Variants in RGL1 observed in about 807,000 individuals in gnomAD.
RGL1 encodes ral guanine nucleotide dissociation stimulator-like 1.
In RGL1, 24 loss-of-function variants were observed where a neutral mutation model predicts 95.2. The ratio of observed to expected loss-of-function variants is 0.25; its 90% CI spans 0.18 to 0.35. The LOEUF (loss-of-function observed/expected upper bound fraction) is 0.35. Among genes scored for constraint, RGL1 ranks in the 10% least tolerant of loss-of-function variants. The probability of loss-of-function intolerance (pLI) is 1.00; values close to 1 mark genes in which losing one functional copy is unlikely to be tolerated. For synonymous variants in RGL1, 329 were observed against 344.9 expected (o/e 0.95, Z 0.51); for missense variants, 715 against 936.3 (o/e 0.76, Z 3.08).
chr1:183,732,719 A>G (rs1448448829), intron 1 of RGL1, among the ~76,000 whole-genome samples: 1 of 152,208 alleles, frequency 6.6e-6, no homozygotes, highest in Non-Finnish European at 1.5e-5. Context: ...GCTATTGTGA[A>G]GGCCTGATGA....
At chr1:183,877,814 A>C (rs1666593665) in intron 4 of RGL1, among the ~76,000 whole-genome samples, 1 of 152,216 alleles carries the variant, frequency 6.6e-6, no homozygotes, top group Non-Finnish European at 1.5e-5. Flanking sequence ...TAAAAACATC[A>C]GATTGAGGAA....
intron 2 of RGL1, among the ~76,000 whole-genome samples, chr1:183,776,218 G>A (rs923711374): frequency 1.0e-4 from 15 of 146,030 alleles, no homozygotes; most frequent in African/African-American, 3.6e-4. Flanking sequence ...GCGCGATCTC[G>A]GCTCACTGCA....
chr1:183,855,833 G>A (rs1301255958), intron 3 of RGL1, among the ~76,000 whole-genome samples: 1 of 152,088 alleles, frequency 6.6e-6, no homozygotes, highest in African/African-American at 2.4e-5. Context: ...TAAACTTTTT[G>A]TTCTGAGTTA....
intron 1 of RGL1, among the ~76,000 whole-genome samples, chr1:183,723,740 A>G (rs531843478): frequency 6.6e-6 from 1 of 152,326 alleles, no homozygotes; most frequent in South Asian, 2.1e-4. Flanking sequence ...CTAGGCCATA[A>G]GGACTGCAAC....
At chr1:183,651,421 T>G (rs746200544) in intron 1 of RGL1, among the ~76,000 whole-genome samples, 2 of 152,236 alleles carry the variant, frequency 1.3e-5, no homozygotes, top group Non-Finnish European at 2.9e-5. Flanking sequence ...GTTCACCTTC[T>G]GTCTTCCTCA....
At chr1:183,796,456 C>G (rs1043125155) in intron 2 of RGL1, among the ~76,000 whole-genome samples, 1 of 152,134 alleles carries the variant, frequency 6.6e-6, no homozygotes, top group Non-Finnish European at 1.5e-5. Flanking sequence ...GCCTCTGTGC[C>G]CGGCCTGTAT....
intron 1 of RGL1, among the ~76,000 whole-genome samples, chr1:183,738,488 A>G (rs185953271): frequency 1.1e-3 from 170 of 152,316 alleles, no homozygotes; most frequent in African/African-American, 4.0e-3. Flanking sequence ...TATCAGAGGT[A>G]GTGGAAAGTC....
intron 2 of RGL1, among the ~76,000 whole-genome samples, chr1:183,843,152 G>A (rs1356290235): frequency 6.6e-6 from 1 of 152,190 alleles, no homozygotes; most frequent in Admixed American, 6.5e-5. Flanking sequence ...CAAATTCTCT[G>A]ATAACTTAAC....
intron 4 of RGL1, among the ~76,000 whole-genome samples, chr1:183,872,960 T>C (rs1666269659): frequency 6.6e-6 from 1 of 152,176 alleles, no homozygotes; most frequent in African/African-American, 2.4e-5. Flanking sequence ...GAAGAAGTGA[T>C]ATGCCATATC....
intron 14 of RGL1, among the ~76,000 whole-genome samples, chr1:183,908,252 C>G (rs1447355125): frequency 6.6e-6 from 1 of 152,130 alleles, no homozygotes; most frequent in Non-Finnish European, 1.5e-5. Context: ...CACATTGAGA[C>G]ACAGGCAGGG....
intron 3 of RGL1, among the ~76,000 whole-genome samples, chr1:183,863,884 C>T (rs1262766849): frequency 6.6e-6 from 1 of 152,184 alleles, no homozygotes; most frequent in African/African-American, 2.4e-5. Context: ...AGGAGAAATA[C>T]TTCTGTGGTC....
chr1:183,752,519 C>G (rs140787498), intron 2 of RGL1, among the ~76,000 whole-genome samples: 17 of 152,240 alleles, frequency 1.1e-4, no homozygotes, highest in African/African-American at 3.6e-4. Context: ...GCCACTGTGC[C>G]CAGCCCAGAT....
At chr1:183,755,805 C>T (rs1281925472) in intron 2 of RGL1, among the ~76,000 whole-genome samples, 2 of 152,036 alleles carry the variant, frequency 1.3e-5, no homozygotes, top group South Asian at 2.1e-4. Flanking sequence ...AGCATGTAAT[C>T]CAGCATGAGT....
intron 12 of RGL1, among the ~76,000 whole-genome samples, chr1:183,903,022 T>C (rs1315311751): frequency 6.6e-6 from 1 of 152,220 alleles, no homozygotes; most frequent in Non-Finnish European, 1.5e-5. Flanking sequence ...TTAAGTATTC[T>C]CATCACAAAT....
chr1:183,839,830 A>G (rs1410527144), intron 2 of RGL1, among the ~76,000 whole-genome samples: 1 of 152,184 alleles, frequency 6.6e-6, no homozygotes, highest in African/African-American at 2.4e-5. Context: ...GAAAGGTATG[A>G]TGCCTTTCCT....
chr1:183,892,674 C>G (rs983455454), intron 9 of RGL1, among the ~76,000 whole-genome samples: 11 of 152,212 alleles, frequency 7.2e-5, no homozygotes, highest in African/African-American at 2.7e-4. Flanking sequence ...TGTCTCCAGA[C>G]ATTTGTTGAA....
At chr1:183,880,543 C>A (rs770648744) in intron 4 of RGL1, 73 bp from the exon 5 acceptor site, 1 of 1,461,186 alleles carries the variant, frequency 6.8e-7, no homozygotes, top group Non-Finnish European at 9.5e-7. Flanking sequence ...CTGGGGTCCA[C>A]CCTGGTGTCC....
chr1:183,907,125 G>C (rs1668380626), intron 14 of RGL1, 24 bp downstream of exon 14: 1 of 1,458,776 alleles, frequency 6.9e-7, no homozygotes, highest in African/African-American at 1.4e-5. Flanking sequence ...GGGGGTTCTG[G>C]GGCTCCAAGA....
intron 2 of RGL1, among the ~76,000 whole-genome samples, chr1:183,797,639 G>A (rs934765639): frequency 2.6e-5 from 4 of 152,166 alleles, no homozygotes; most frequent in African/African-American, 4.8e-5. Flanking sequence ...TGGAAGCAAC[G>A]GCTTACTGGT....
Sources: gnomAD v4.1 joint callset for allele counts (sites outside exome capture counted in the v4.1 genomes callset) on GRCh38, gnomAD v4.1.1 for gene constraint, MANE v1.5 for transcripts, NCBI Gene and HGNC (gene_info 2026-07-23, HGNC 2026-07-21) for gene names.